MMRN1: variants seen among roughly 807,000 people sequenced by gnomAD.
MMRN1 encodes the protein multimerin-1.
MMRN1 carries 94 observed loss-of-function variants against 100.7 expected under a neutral mutation model. That is an observed-to-expected ratio of 0.93 (90% CI 0.79 to 1.11). The LOEUF is 1.11. MMRN1 is among the 50% of genes least tolerant of loss of function. The pLI is 0.00. For missense variants in MMRN1, 1,606 were observed against 1,439.1 expected (o/e 1.12, Z -1.88); for synonymous variants, 575 against 505.0 (o/e 1.14, Z -1.86).
At position 89,945,318 on chromosome 4, in the gene MMRN1, G is replaced by A. The variant is rs562625936; in HGVS notation, c.3119-6287G>A. 5.3e-5 allele frequency among the ~76,000 whole-genome samples: 8 copies of A among 152,184 alleles called. No individual in the cohort carries two copies. The East Asian group carries it at 1.5e-3, about 29-fold the overall frequency. On this transcript the variant is annotated intron_variant, in intron 6 of 7. Transcript: ENST00000264790. ...AAGCTGCTATAAACATTCACATACA[G>A]GTTTTTGTATGAATGTCAGTTTTTG...
At chr4:89,941,146 CA>C (rs1187416668) in intron 6 of MMRN1, among the ~76,000 whole-genome samples, 1 of 152,126 alleles carries the variant, frequency 6.6e-6, no homozygotes, top group Non-Finnish European at 1.5e-5. Flanking sequence ...ATCTTCTGTA[CA>C]AAATGGCTGA....
intron 4 of MMRN1, among the ~76,000 whole-genome samples, chr4:89,923,886 CA>C (rs1722166767): frequency 6.6e-6 from 1 of 152,118 alleles, no homozygotes; most frequent in African/African-American, 2.4e-5. Flanking sequence ...TCATACAAAA[CA>C]AGGCACTCAA....
At chr4:89,919,616 TA>T (rs1722026773) in intron 3 of MMRN1, among the ~76,000 whole-genome samples, 1 of 151,926 alleles carries the variant, frequency 6.6e-6, no homozygotes, top group South Asian at 2.1e-4. Flanking sequence ...ATGTTGTACA[TA>T]TTAAAAGATG....
intron 4 of MMRN1, among the ~76,000 whole-genome samples, chr4:89,927,161 T>C (rs1722288329): frequency 1.3e-5 from 2 of 151,822 alleles, no homozygotes; most frequent in Admixed American, 1.3e-4. Flanking sequence ...TTTTTTTTTG[T>C]ATTTCTGTGA....
chr4:89,910,064 C>T (rs1721699584), intron 2 of MMRN1, among the ~76,000 whole-genome samples: 1 of 151,400 alleles, frequency 6.6e-6, no homozygotes, highest in Non-Finnish European at 1.5e-5. Flanking sequence ...GCCATGATGG[C>T]TAATGTTATG....
At chr4:89,923,361 A>G in intron 4 of MMRN1, 89 bp downstream of exon 4, 1 of 1,155,840 alleles carries the variant, frequency 8.7e-7, no homozygotes, top group Non-Finnish European at 1.3e-6. Flanking sequence ...CTTAGTTGTC[A>G]AATGATTGAT....
At chr4:89,916,377 C>A (rs3775471) in intron 3 of MMRN1, among the ~76,000 whole-genome samples, 5,268 of 110,590 alleles carry the variant, frequency 0.048, 141 homozygotes, top group African/African-American at 0.078. Flanking sequence ...AAAAAAAAAA[C>A]AAACAAACAA....
chr4:89,907,836 T>G lies in MMRN1; in HGVS notation c.624-1440T>G, dbSNP rs1721618620. Reference sequence around the variant, plus strand: ...TGTCATGCCTGTTTTTTTGTTTTTTTTTTTTCTATTTACTGGATTTTTACT... The same window carrying G: ...TGTCATGCCTGTTTTTTTGTTTTTTGTTTTTCTATTTACTGGATTTTTACT... On this transcript the variant is annotated intron_variant, in intron 1 of 7. Coordinates refer to ENST00000264790, the MANE Select transcript of MMRN1 (RefSeq NM_007351.3). Among the ~76,000 whole-genome samples, 4 of 151,108 alleles carry G rather than the reference T, an allele frequency of 2.6e-5. 1 individual carries two copies. In the Middle Eastern group the frequency reaches 0.01, roughly 385 times the overall value.
chr4:89,894,516 C>T (rs147975668), upstream of MMRN1, among the ~76,000 whole-genome samples: 244 of 152,262 alleles, frequency 1.6e-3, 1 homozygote, highest in African/African-American at 5.4e-3. Context: ...AAAAACTTTT[C>T]TCAGTGTCTT....
chr4:89,907,316 C>A (rs1264855845), intron 1 of MMRN1, among the ~76,000 whole-genome samples: 1 of 151,442 alleles, frequency 6.6e-6, no homozygotes, highest in Non-Finnish European at 1.5e-5. Flanking sequence ...ACATCACATT[C>A]AAAAGAACAC....
chr4:89,921,015 T>C (rs1722070430), intron 3 of MMRN1, among the ~76,000 whole-genome samples: 1 of 152,114 alleles, frequency 6.6e-6, no homozygotes, highest in Non-Finnish European at 1.5e-5. Context: ...TAAAAGTTAA[T>C]GATAGAAAAG....
intron 1 of MMRN1, among the ~76,000 whole-genome samples, chr4:89,904,427 A>G (rs919760010): frequency 2.0e-5 from 3 of 151,620 alleles, no homozygotes; most frequent in Non-Finnish European, 2.9e-5. Flanking sequence ...GTACCCATTA[A>G]ATAATAACTT....
At chr4:89,897,417 C>T (rs542940881) in intron 1 of MMRN1, among the ~76,000 whole-genome samples, 1 of 152,138 alleles carries the variant, frequency 6.6e-6, no homozygotes, top group African/African-American at 2.4e-5. Flanking sequence ...ACCATGTTGG[C>T]CAGGGTGGTC....
intron 6 of MMRN1, among the ~76,000 whole-genome samples, chr4:89,938,072 C>A (rs1186792731): frequency 6.6e-6 from 1 of 151,584 alleles, no homozygotes; most frequent in Admixed American, 6.6e-5. Flanking sequence ...TACTTTATTT[C>A]TTTTTAATTA....
intron 3 of MMRN1, among the ~76,000 whole-genome samples, chr4:89,922,141 T>C (rs1250427815): frequency 6.6e-6 from 1 of 152,170 alleles, no homozygotes; most frequent in South Asian, 2.1e-4. Flanking sequence ...AGTCCTGCTC[T>C]ATCCCCCAGC....
chr4:89,881,982 G>A (rs1437892813), intron 1 of MMRN1, among the ~76,000 whole-genome samples: 3 of 151,862 alleles, frequency 2.0e-5, no homozygotes, highest in African/African-American at 7.2e-5. Flanking sequence ...ACTAATGAAA[G>A]TTTGTCAGCA....
At chr4:89,916,147 A>C (rs1347267595) in intron 3 of MMRN1, among the ~76,000 whole-genome samples, 1 of 149,780 alleles carries the variant, frequency 6.7e-6, no homozygotes, top group East Asian at 2.2e-4. Context: ...GAATGCAAGT[A>C]CTGAACTCCA....
chr4:89,894,123 C>A (rs1026022013), upstream of MMRN1, among the ~76,000 whole-genome samples: 1 of 152,020 alleles, frequency 6.6e-6, no homozygotes, highest in Non-Finnish European at 1.5e-5. Flanking sequence ...ATATTGGTTA[C>A]CCCCAACCAT....
At chr4:89,904,291 A>T (rs1001031572) in intron 1 of MMRN1, among the ~76,000 whole-genome samples, 5 of 151,770 alleles carry the variant, frequency 3.3e-5, no homozygotes, top group Admixed American at 2.0e-4. Context: ...AATATACATT[A>T]AAAAATTTAC....
Sources: allele counts gnomAD v4.1 joint callset (sites outside exome capture counted in the v4.1 genomes callset), GRCh38; gene constraint gnomAD v4.1.1; transcripts MANE v1.5; gene names NCBI Gene and HGNC (gene_info 2026-07-23, HGNC 2026-07-21).